Variants in SHOC2 observed in about 807,000 individuals in gnomAD.
SHOC2 encodes SHOC2 leucine rich repeat scaffold protein, also known as leucine-rich repeat protein SHOC-2.
Under a neutral mutation model 50.2 loss-of-function variants are expected in SHOC2, and 4 were observed. The observed-to-expected ratio is 0.08, with a 90% CI of 0.04 to 0.18. SHOC2 has a LOEUF of 0.18. Ranked by LOEUF, SHOC2 falls within the 10% of genes least tolerant of loss-of-function variation. SHOC2 has a pLI of 1.00. For synonymous variants in SHOC2, 218 were observed against 244.5 expected, an observed-to-expected ratio of 0.89 and a Z score of 1.01; for missense variants, 388 against 669.6, an observed-to-expected ratio of 0.58 and a Z score of 4.64.
At chr10:110,977,271 GAC>G (rs998108110) in intron 2 of SHOC2, among the ~76,000 whole-genome samples, 3 of 151,880 alleles carry the variant, frequency 2.0e-5, no homozygotes, top group Admixed American at 2.0e-4. Flanking sequence ...TTTTTTTTGA[GAC>G]AGAGTTTTGC....
intron 1 of SHOC2, among the ~76,000 whole-genome samples, chr10:110,924,283 G>A (rs778009777): frequency 2.0e-5 from 3 of 152,132 alleles, no homozygotes; most frequent in Non-Finnish European, 2.9e-5. Context: ...ATAGTTAATT[G>A]TTAAACAATG....
At chr10:111,010,047 A>G (rs1848539431) in intron 8 of SHOC2, among the ~76,000 whole-genome samples, 1 of 152,032 alleles carries the variant, frequency 6.6e-6, no homozygotes, top group Admixed American at 6.6e-5. Context: ...TTAGTACTGT[A>G]TTTGAGAATG....
In SHOC2 at chr10:110,964,942, C is replaced by G. The variant is rs779784191; in HGVS notation, c.584C>G (p.Thr195Ser). The G allele has an allele frequency of 6.2e-7, 1 of 1,613,716 alleles. No individual in the cohort carries two copies. Among genetic ancestry groups the G allele is most frequent in the Non-Finnish European group, 8.5e-7 (1 of 1,179,912 alleles). The stretch of plus-strand genomic sequence containing the variant: ...GTGGTGTATAGGCTGGATTCTCTCA[C>G]CACTCTTTACCTTCGCTTTAATCGT... ...PSVVYRLDSLTTLYLRFNRIT... is the reference protein window; with the variant it reads ...PSVVYRLDSLSTLYLRFNRIT... The change falls in exon 2 of 9, where the codon ACC becomes AGC. Residue 195 changes from threonine to serine, a missense_variant. This residue lies in a region of SHOC2 where 88 missense variants were observed against 147.2 expected (regional missense o/e 0.60). Transcript: ENST00000369452. This position sits in a 1 kb window ranked among gnomAD's most constrained non-coding sequence, Gnocchi z 4.9.
chr10:110,929,273 T>A (rs11195377), intron 1 of SHOC2, among the ~76,000 whole-genome samples: 8,301 of 152,306 alleles, frequency 0.055, 299 homozygotes, highest in Non-Finnish European at 0.082. Context: ...TGATAATATT[T>A]GAGTTGCTTC....
chr10:110,972,085 A>G (rs1427709078), intron 2 of SHOC2, among the ~76,000 whole-genome samples: 1 of 151,366 alleles, frequency 6.6e-6, no homozygotes, highest in Non-Finnish European at 1.5e-5. Context: ...AATTTAATAA[A>G]GCTCAGTACT....
At chr10:110,999,453 C>A (rs898925350) in intron 3 of SHOC2, among the ~76,000 whole-genome samples, 2 of 151,782 alleles carry the variant, frequency 1.3e-5, no homozygotes, top group African/African-American at 4.8e-5. Context: ...AAATAAAATG[C>A]TCAGCTGGGC....
At chr10:110,926,321 TTTAGATGA>T (rs1435494801) in intron 1 of SHOC2, among the ~76,000 whole-genome samples, 12 of 152,208 alleles carry the variant, frequency 7.9e-5, no homozygotes, top group African/African-American at 2.7e-4. Context: ...GAAAATTAGT[TTTAGATGA>T]ATAGTCTACA....
At chr10:110,944,590 T>C (rs1026354610) in intron 1 of SHOC2, among the ~76,000 whole-genome samples, 1 of 152,216 alleles carries the variant, frequency 6.6e-6, no homozygotes, top group Non-Finnish European at 1.5e-5. Flanking sequence ...ACATTCTAAA[T>C]AATATAAAAA....
At chr10:110,938,510 G>A (rs1590784817) in intron 1 of SHOC2, among the ~76,000 whole-genome samples, 1 of 151,982 alleles carries the variant, frequency 6.6e-6, no homozygotes, top group African/African-American at 2.4e-5. Context: ...TGATAATAGT[G>A]CCTATGTTTA....
intron 6 of SHOC2, 126 bp downstream of exon 6, chr10:111,007,779 T>A: frequency 1.1e-6 from 1 of 934,310 alleles, no homozygotes. Context: ...AGAACTCACT[T>A]AAACATACAA....
intron 1 of SHOC2, among the ~76,000 whole-genome samples, chr10:110,930,315 TC>T (rs749858894): frequency 3.9e-5 from 6 of 152,150 alleles, no homozygotes; most frequent in Admixed American, 1.3e-4. Flanking sequence ...GACCACACAC[TC>T]CTAGTCTTGT....
At position 111,001,987 on chromosome 10, in the gene SHOC2, AGTGAGCCGAG is replaced by A. The variant is rs547499347; in HGVS notation, c.972+1447_972+1456del. Among the ~76,000 whole-genome samples the A allele has an allele frequency of 2.9e-3, 435 of 152,254 alleles. 2 individuals carry two copies. The highest frequency in any genetic ancestry group is 9.3e-3 in the African/African-American group (386 of 41,550). ...CTTGAACCCGGGAGGCAGAGATTGC[AGTGAGCCGAG>A]GTGACGCCACTGCAGTCCAGCCTGG... On this transcript the variant is annotated intron_variant, in intron 4 of 8. Coordinates refer to ENST00000369452, the MANE Select transcript of SHOC2 (RefSeq NM_007373.4).
rs190420753 is a variant in SHOC2, at chr10:110,936,885, G to T, written c.-235+17228G>T. The T allele has an allele frequency of 7.7e-5, 106 of 1,382,510 alleles. No individual in the cohort carries two copies. In the East Asian group the frequency reaches 1.9e-3, roughly 24 times the overall value. 85.6% of individuals were successfully genotyped at this position (1,382,510 alleles called of 1,614,324 possible). On this transcript the variant is annotated intron_variant, in intron 1 of 8. Coordinates refer to ENST00000369452, the MANE Select transcript of SHOC2 (RefSeq NM_007373.4). ...TTGAGGGCAGCAGGAACCACCATCC[G>T]CTTTTTCTTGTCGTAAGGCGGTGGG...
chr10:111,001,120 T>A (rs1848364468), intron 4 of SHOC2, among the ~76,000 whole-genome samples: 1 of 151,814 alleles, frequency 6.6e-6, no homozygotes, highest in Non-Finnish European at 1.5e-5. Context: ...ATATTTTCAC[T>A]TATTTTGCTT....
At position 110,964,084 on chromosome 10, in the gene SHOC2, A is replaced by G. The variant is rs1415355471; in HGVS notation, c.-234-41A>G. 2 of 451,142 alleles carry G rather than the reference A, an allele frequency of 4.4e-6. No homozygotes were observed. The highest frequency in any genetic ancestry group is 6.7e-5 in the East Asian group (2 of 29,936). 27.9% of individuals were successfully genotyped at this position (451,142 alleles called of 1,614,324 possible). A position where few individuals can be genotyped will look rare whatever the true frequency, so the allele number is the denominator to read the frequency against. On this transcript the variant is annotated intron_variant, in intron 1 of 8. Transcript: ENST00000369452. This position sits in a 1 kb window ranked among gnomAD's most constrained non-coding sequence, Gnocchi z 4.9. ...GTTTTTCAGAGCCTATTTAATATAA[A>G]TTATCTAAAGTAATTTAATACTGTC...
At chr10:110,924,631 A>G (rs558264265) in intron 1 of SHOC2, among the ~76,000 whole-genome samples, 22 of 152,294 alleles carry the variant, frequency 1.4e-4, no homozygotes, top group African/African-American at 5.3e-4. Context: ...TGACCAAACT[A>G]TTATTTAAAA....
At chr10:110,929,565 G>T (rs541938664) in intron 1 of SHOC2, among the ~76,000 whole-genome samples, 32 of 152,346 alleles carry the variant, frequency 2.1e-4, no homozygotes, top group Non-Finnish European at 4.6e-4. Context: ...CAGTTCCGAA[G>T]GCTAGAAAGT....
chr10:110,983,819 G>GGTTT (rs1848028945), intron 2 of SHOC2, among the ~76,000 whole-genome samples: 1 of 152,020 alleles, frequency 6.6e-6, no homozygotes, highest in Non-Finnish European at 1.5e-5. Context: ...ATGTTTTCCA[G>GGTTT]GTTTATCCAT....
chr10:110,968,116 C>G (rs1279061380), intron 2 of SHOC2, among the ~76,000 whole-genome samples: 1 of 152,160 alleles, frequency 6.6e-6, no homozygotes, highest in African/African-American at 2.4e-5. Flanking sequence ...TCTCTGCATC[C>G]TCAGTAACCT....
Sources: gnomAD v4.1 joint callset for allele counts (sites outside exome capture counted in the v4.1 genomes callset) on GRCh38, gnomAD v4.1.1 for gene constraint, gnomAD v4.1.1 regional missense constraint, Gnocchi (gnomAD v3.1) non-coding constraint, MANE v1.5 for transcripts, NCBI Gene and HGNC (gene_info 2026-07-23, HGNC 2026-07-21) for gene names.